The following ELMO1 variants were observed in gnomAD, a reference collection of about 807,000 sequenced individuals.
ELMO1 encodes engulfment and cell motility 1.
Under a neutral mutation model 98.9 loss-of-function variants are expected in ELMO1, and 26 were observed. That is an observed-to-expected ratio of 0.26 (90% CI 0.19 to 0.36). The LOEUF (loss-of-function observed/expected upper bound fraction) is 0.36. Among genes scored for constraint, ELMO1 ranks in the 10% least tolerant of loss-of-function variants. The pLI, the probability that ELMO1 is intolerant of heterozygous loss-of-function variation, is 1.00. For synonymous variants in ELMO1, 346 were observed against 346.0 expected, an observed-to-expected ratio of 1.00 and a Z score of 0.00; for missense variants, 627 against 935.2, an observed-to-expected ratio of 0.67 and a Z score of 4.30.
chr7:37,051,804 A>T (rs1341148650), intron 15 of ELMO1, among the ~76,000 whole-genome samples: 1 of 152,194 alleles, frequency 6.6e-6, no homozygotes, highest in Non-Finnish European at 1.5e-5. Context: ...ATCTGCAAAT[A>T]TGTGAAAGGT....
intron 13 of ELMO1, among the ~76,000 whole-genome samples, chr7:37,190,140 A>G (rs766927149): frequency 1.3e-5 from 2 of 152,176 alleles, no homozygotes; most frequent in Non-Finnish European, 2.9e-5. Flanking sequence ...GTCAATATTT[A>G]TAAACCACAA....
chr7:37,111,198 T>C (rs1785232391), intron 14 of ELMO1, among the ~76,000 whole-genome samples: 1 of 152,186 alleles, frequency 6.6e-6, no homozygotes, highest in Non-Finnish European at 1.5e-5. Context: ...TAAGAGAGTG[T>C]TTCTCACCTC....
At chr7:37,126,723 G>C (rs1330371831) in intron 14 of ELMO1, among the ~76,000 whole-genome samples, 1 of 152,164 alleles carries the variant, frequency 6.6e-6, no homozygotes, top group South Asian at 2.1e-4. Context: ...AGGTATTTCA[G>C]AATCAGATCC....
At chr7:37,183,941 A>C (rs1791038775) in intron 13 of ELMO1, among the ~76,000 whole-genome samples, 1 of 152,170 alleles carries the variant, frequency 6.6e-6, no homozygotes, top group Non-Finnish European at 1.5e-5. Context: ...TAGAATTTCC[A>C]TTTGGTTGCT....
rs531259814 is a variant in ELMO1, at chr7:37,103,140, C to A, written c.1192-6413G>T. On this transcript the variant is annotated intron_variant, in intron 14 of 21. Transcript: ENST00000310758. ...AAACACCTCAAACACTTGATGGAGA[C>A]AACTGATACTACTATCACCATAATA... is the stretch of plus-strand genomic sequence containing the variant. 9.8e-5 allele frequency among the ~76,000 whole-genome samples: 15 copies of A among 152,318 alleles called. No individual in the cohort carries two copies. The East Asian group carries it at 2.9e-3, about 29-fold the overall frequency.
intron 1 of ELMO1, among the ~76,000 whole-genome samples, chr7:37,437,979 CAAAAAAAAA>C (rs57418239): frequency 1.7e-4 from 3 of 18,060 alleles, no homozygotes; most frequent in Admixed American, 8.5e-4. Flanking sequence ...GACTCCGTCT[CAAAAAAAAA>C]AAAAAAAAAA....
intron 1 of ELMO1, among the ~76,000 whole-genome samples, chr7:37,379,829 A>G (rs1413747246): frequency 2.0e-5 from 3 of 152,118 alleles, no homozygotes; most frequent in East Asian, 1.9e-4. Flanking sequence ...CCTCACAAAC[A>G]TTCTTTTTGG....
chr7:37,355,644 G>A (rs1008582284), intron 1 of ELMO1, among the ~76,000 whole-genome samples: 4 of 152,344 alleles, frequency 2.6e-5, no homozygotes, highest in African/African-American at 4.8e-5. Flanking sequence ...CATTTGCAAA[G>A]GCAGGAAGTC....
At chr7:37,360,980 G>C (rs1357904688) in intron 1 of ELMO1, among the ~76,000 whole-genome samples, 1 of 152,044 alleles carries the variant, frequency 6.6e-6, no homozygotes, top group East Asian at 1.9e-4. Flanking sequence ...ATTGACATTT[G>C]AATATTAATA....
At chr7:37,388,530 A>C (rs753732453) in intron 1 of ELMO1, among the ~76,000 whole-genome samples, 3 of 151,856 alleles carry the variant, frequency 2.0e-5, no homozygotes, top group Non-Finnish European at 4.4e-5. Context: ...AGCAGGGCAC[A>C]CTGGCTGGGA....
At chr7:37,365,929 A>G (rs1039320651) in intron 1 of ELMO1, among the ~76,000 whole-genome samples, 3 of 152,258 alleles carry the variant, frequency 2.0e-5, no homozygotes, top group African/African-American at 7.2e-5. Context: ...CCTACTAAAG[A>G]GTACAGCCAC....
chr7:36,984,290 G>C (rs1011602227), intron 16 of ELMO1, among the ~76,000 whole-genome samples: 13 of 152,224 alleles, frequency 8.5e-5, no homozygotes, highest in Non-Finnish European at 1.3e-4. Flanking sequence ...TGGGATCAGA[G>C]AGCAGCCTAC....
At chr7:37,221,250 C>A (rs900044560) in intron 10 of ELMO1, among the ~76,000 whole-genome samples, 1 of 152,164 alleles carries the variant, frequency 6.6e-6, no homozygotes, top group African/African-American at 2.4e-5. Context: ...ATAAGAAATT[C>A]TAAATGGAAA....
intron 16 of ELMO1, among the ~76,000 whole-genome samples, chr7:37,009,229 C>A (rs1427664812): frequency 6.6e-6 from 1 of 152,160 alleles, no homozygotes. Context: ...TGCAGTTTAG[C>A]TCTTCTCTAA....
chr7:37,389,723 C>T (rs963484560), intron 1 of ELMO1, among the ~76,000 whole-genome samples: 1 of 152,170 alleles, frequency 6.6e-6, no homozygotes, highest in African/African-American at 2.4e-5. Context: ...ATCCAGTTCT[C>T]CTTTAACCAT....
At chr7:36,959,729 G>A (rs1238815780) in intron 16 of ELMO1, among the ~76,000 whole-genome samples, 2 of 152,206 alleles carry the variant, frequency 1.3e-5, no homozygotes, top group Admixed American at 6.5e-5. Flanking sequence ...CACCCAGGCT[G>A]GAGTGCAGTG....
At chr7:36,932,069 A>G (rs1382724172) in intron 16 of ELMO1, among the ~76,000 whole-genome samples, 3 of 147,198 alleles carry the variant, frequency 2.0e-5, no homozygotes, top group Non-Finnish European at 4.5e-5. Flanking sequence ...TGGAGAGTTA[A>G]CTTCATTCAT....
intron 13 of ELMO1, among the ~76,000 whole-genome samples, chr7:37,158,276 G>A (rs1414489644): frequency 2.0e-5 from 3 of 152,088 alleles, no homozygotes; most frequent in African/African-American, 7.2e-5. Flanking sequence ...AACACCAAAA[G>A]CAATGGCAAC....
At chr7:37,391,989 T>C (rs886872138) in intron 1 of ELMO1, among the ~76,000 whole-genome samples, 1 of 152,192 alleles carries the variant, frequency 6.6e-6, no homozygotes, top group African/African-American at 2.4e-5. Flanking sequence ...GCGTGGACTT[T>C]GCACCCAGAA....
Sources: gnomAD v4.1 joint callset for allele counts (sites outside exome capture counted in the v4.1 genomes callset) on GRCh38, gnomAD v4.1.1 for gene constraint, MANE v1.5 for transcripts, NCBI Gene and HGNC (gene_info 2026-07-23, HGNC 2026-07-21) for gene names.